CNTNAP4: variants seen among roughly 807,000 people sequenced by gnomAD.
CNTNAP4 encodes the protein contactin associated protein family member 4.
In CNTNAP4, 98 loss-of-function variants were observed where a neutral mutation model predicts 148.4. That is an observed-to-expected ratio of 0.66 (90% confidence interval 0.56 to 0.78). CNTNAP4 has a LOEUF of 0.78. Among genes scored for constraint, CNTNAP4 ranks in the 30% least tolerant of loss-of-function variants. The probability of loss-of-function intolerance (pLI) is 0.00; values close to 1 mark genes in which losing one functional copy is unlikely to be tolerated. For synonymous variants in CNTNAP4, 730 were observed against 565.1 expected (o/e 1.29, Z -4.14); for missense variants, 1,935 against 1,565.6 (o/e 1.24, Z -3.98).
rs1452512972 is a variant in CNTNAP4 at position 76,277,532 on chromosome 16, G to A, written c.-131G>A. ...AGAAAAGACGGAGGGAGGTGAGGAG[G>A]AAGGGAGGGGGAGAGACAGAGACCT... On this transcript the variant is annotated 5_prime_UTR_variant, in exon 1 of 24. Transcript: ENST00000611870. The A allele has an allele frequency of 1.6e-6, 1 of 616,332 alleles. No individual in the cohort carries two copies. Among genetic ancestry groups the A allele is most frequent in the Non-Finnish European group, 2.9e-6 (1 of 346,168 alleles). 38.2% of individuals were successfully genotyped at this position (616,332 alleles called of 1,614,324 possible).
At chr16:76,524,150 C>G (rs566085358) in intron 17 of CNTNAP4, among the ~76,000 whole-genome samples, 25 of 152,170 alleles carry the variant, frequency 1.6e-4, no homozygotes, top group Admixed American at 7.9e-4. Context: ...TTTATTATTT[C>G]CTTTACTCAA....
intron 1 of CNTNAP4, among the ~76,000 whole-genome samples, chr16:76,298,580 A>G (rs147212810): frequency 1.3e-5 from 2 of 151,032 alleles, no homozygotes; most frequent in African/African-American, 4.9e-5. Context: ...TCTAGGGTCC[A>G]CCCAAGCGGA....
chr16:76,489,552 C>G (rs1184175405), intron 12 of CNTNAP4, 134 bp from the exon 13 acceptor site: 1 of 452,116 alleles, frequency 2.2e-6, no homozygotes, highest in Middle Eastern at 3.1e-4. Flanking sequence ...TGTGTTGATT[C>G]TACCTCTCAG....
chr16:76,324,871 A>T lies in CNTNAP4; in HGVS notation c.196+8348A>T, dbSNP rs1021610547. On this transcript the variant is annotated intron_variant, in intron 2 of 23. Transcript: ENST00000611870. ...CCCACCCTCGTGACAATGTAAACCT[A>T]ATTACCTCCCAAAGGCCCCCTCTCC... Among the ~76,000 whole-genome samples, 2 of 152,116 alleles carry T rather than the reference A, an allele frequency of 1.3e-5. 1 individual carries two copies. The highest frequency in any genetic ancestry group is 4.8e-5 in the African/African-American group (2 of 41,414).
chr16:76,384,729 A>G (rs897730197), intron 3 of CNTNAP4, among the ~76,000 whole-genome samples: 6 of 152,178 alleles, frequency 3.9e-5, no homozygotes, highest in Admixed American at 2.0e-4. Flanking sequence ...ACCAGTTGTC[A>G]TATAGCCAGG....
intron 3 of CNTNAP4, among the ~76,000 whole-genome samples, chr16:76,361,083 A>G (rs922121215): frequency 4.0e-5 from 6 of 151,768 alleles, no homozygotes; most frequent in Non-Finnish European, 8.8e-5. Context: ...TCAACCTCCC[A>G]AAGTGCTGGG....
In CNTNAP4 at chr16:76,361,103, A is replaced by G. The variant is rs138666201; in HGVS notation, c.390+5592A>G. Among the ~76,000 whole-genome samples the G allele has an allele frequency of 1.4e-3, 216 of 152,120 alleles. 1 individual carries two copies. The highest frequency in any genetic ancestry group is 2.0e-3 in the Non-Finnish European group (139 of 67,986). On this transcript the variant is annotated intron_variant, in intron 3 of 23. Coordinates refer to ENST00000611870, the MANE Select transcript of CNTNAP4 (RefSeq NM_033401.5). ...CTCCCAAAGTGCTGGGATTACAGGC[A>G]TGAGGCACCGCGCCCGGCCCATTTT...
chr16:76,334,799 C>T (rs767458111), intron 2 of CNTNAP4, among the ~76,000 whole-genome samples: 1 of 152,020 alleles, frequency 6.6e-6, no homozygotes, highest in African/African-American at 2.4e-5. Context: ...GTTAGTGACT[C>T]CTGCTTTATT....
rs143843834 is a variant in CNTNAP4, at chr16:76,489,170, T to G, written c.1883-516T>G. 7.6e-4 allele frequency among the ~76,000 whole-genome samples: 115 copies of G among 152,286 alleles called. 1 individual carries two copies. In the East Asian group the frequency reaches 0.019, roughly 25 times the overall value. On this transcript the variant is annotated intron_variant, in intron 12 of 23. Coordinates refer to ENST00000611870, the MANE Select transcript of CNTNAP4 (RefSeq NM_033401.5). Reference sequence around the variant, plus strand: ...TGATACCATGAATAGTTGTTAAGAGTAGAAAAGGGGCTGCTTACATTATGT... The same window carrying G: ...TGATACCATGAATAGTTGTTAAGAGGAGAAAAGGGGCTGCTTACATTATGT...
chr16:76,447,192 T>G (rs2080280071), intron 4 of CNTNAP4, among the ~76,000 whole-genome samples: 1 of 151,918 alleles, frequency 6.6e-6, no homozygotes, highest in African/African-American at 2.4e-5. Context: ...CCCTTGTGGT[T>G]CCACTTACTC....
intron 3 of CNTNAP4, among the ~76,000 whole-genome samples, chr16:76,356,731 C>T (rs1382138988): frequency 6.6e-6 from 1 of 152,094 alleles, no homozygotes; most frequent in East Asian, 1.9e-4. Context: ...AATTTGGAAG[C>T]CTATTTGGGC....
intron 21 of CNTNAP4, among the ~76,000 whole-genome samples, chr16:76,552,725 T>G (rs1049446515): frequency 2.6e-5 from 4 of 152,158 alleles, no homozygotes; most frequent in African/African-American, 9.7e-5. Flanking sequence ...AGGTATGGCC[T>G]CCACTGCATG....
At chr16:76,523,385 T>G (rs2083573681) in intron 17 of CNTNAP4, among the ~76,000 whole-genome samples, 2 of 152,174 alleles carry the variant, frequency 1.3e-5, no homozygotes, top group African/African-American at 4.8e-5. Context: ...CCATTTTTTT[T>G]TCTGATATTT....
rs767853125 is a variant in CNTNAP4 at position 76,558,484 on chromosome 16, C to T, written c.3734-6C>T. 2.4e-5 allele frequency: 38 copies of T among 1,556,354 alleles called. No homozygotes were observed. The highest frequency in any genetic ancestry group is 3.4e-5 in the Non-Finnish European group (38 of 1,130,640). On this transcript the variant is annotated splice_polypyrimidine_tract_variant and splice_region_variant and intron_variant, in intron 23 of 23. Coordinates refer to ENST00000611870, the MANE Select transcript of CNTNAP4 (RefSeq NM_033401.5). ...TTCTGACTTTATATTTCTTTTCTCTCTCTAGGTCTGATAGCTGTTGTGATT... is the reference window on the plus strand; with the variant it reads ...TTCTGACTTTATATTTCTTTTCTCTTTCTAGGTCTGATAGCTGTTGTGATT...
intron 20 of CNTNAP4, 55 bp downstream of exon 20, chr16:76,539,907 G>A (rs1230282703): frequency 7.4e-7 from 1 of 1,352,722 alleles, no homozygotes; most frequent in Non-Finnish European, 1.0e-6. Context: ...CAGCATGAAG[G>A]ATCTCAAGCA....
intron 8 of CNTNAP4, among the ~76,000 whole-genome samples, chr16:76,454,681 G>A (rs2080654365): frequency 6.6e-6 from 1 of 152,114 alleles, no homozygotes; most frequent in Non-Finnish European, 1.5e-5. Flanking sequence ...TGGTAGTTGG[G>A]TGGGAGGTCA....
intron 2 of CNTNAP4, among the ~76,000 whole-genome samples, chr16:76,339,727 C>T (rs1435206792): frequency 6.6e-6 from 1 of 152,132 alleles, no homozygotes; most frequent in African/African-American, 2.4e-5. Context: ...CTGAATTTGG[C>T]CATATTAGAA....
At chr16:76,512,771 A>G (rs949316941) in intron 15 of CNTNAP4, among the ~76,000 whole-genome samples, 1 of 152,196 alleles carries the variant, frequency 6.6e-6, no homozygotes, top group Non-Finnish European at 1.5e-5. Flanking sequence ...AGGAAGCAAG[A>G]AAGAAGACTG....
chr16:76,289,967 A>G (rs552811969), intron 1 of CNTNAP4, among the ~76,000 whole-genome samples: 41 of 152,182 alleles, frequency 2.7e-4, no homozygotes, highest in Non-Finnish European at 3.8e-4. Flanking sequence ...CATCCTCCTC[A>G]TGGTACACAT....
Sources: gnomAD v4.1 joint callset for allele counts (sites outside exome capture counted in the v4.1 genomes callset) on GRCh38, gnomAD v4.1.1 for gene constraint, MANE v1.5 for transcripts, NCBI Gene and HGNC (gene_info 2026-07-23, HGNC 2026-07-21) for gene names.